Variants in KIF13A observed in about 807,000 individuals in gnomAD.
KIF13A encodes the protein kinesin family member 13A.
In KIF13A, 79 loss-of-function variants were observed where a neutral mutation model predicts 212.2. That is an observed-to-expected ratio of 0.37 (90% CI 0.31 to 0.45). The LOEUF (loss-of-function observed/expected upper bound fraction) is 0.45, where lower values mean the gene tolerates loss of function less well. Among genes scored for constraint, KIF13A ranks in the 20% least tolerant of loss-of-function variants. The pLI, the probability that KIF13A is intolerant of heterozygous loss-of-function variation, is 1.00. For synonymous variants in KIF13A, 789 were observed against 808.6 expected, an observed-to-expected ratio of 0.98 and a Z score of 0.41; for missense variants, 1,901 against 2,209.0, an observed-to-expected ratio of 0.86 and a Z score of 2.79.
intron 2 of KIF13A, among the ~76,000 whole-genome samples, chr6:17,925,949 A>C (rs1376031264): frequency 1.3e-5 from 2 of 152,224 alleles, no homozygotes; most frequent in African/African-American, 4.8e-5. Flanking sequence ...ACAATTACTA[A>C]ATATGTCAGT....
At chr6:17,760,547 T>G, downstream of KIF13A, 3 of 448,600 alleles carry the variant, frequency 6.7e-6, no homozygotes, top group South Asian at 3.4e-5. Flanking sequence ...TCTGTAGAGG[T>G]TTCTATACAG....
rs1390595958 is a variant in KIF13A, at chr6:17,794,174, A to G, written c.3222+75T>C. 1 of 1,178,416 alleles carries G rather than the reference A, an allele frequency of 8.5e-7. No individual in the cohort carries two copies. Among genetic ancestry groups the G allele is most frequent in the Non-Finnish European group, 1.2e-6 (1 of 823,184 alleles). The allele number at this position is 1,178,416 out of a possible 1,614,324, so 73.0% of individuals were successfully genotyped here. On this transcript the variant is annotated intron_variant, in intron 25 of 38. Coordinates refer to ENST00000259711, the MANE Select transcript of KIF13A (RefSeq NM_022113.6). The surrounding 1 kb of genome is among the most constrained non-coding windows in gnomAD (Gnocchi z 4.1). ...CGGTTAAGGCAAAGAGTTCTGTTAT[A>G]TTGGCAAAGAGGTCCCCCTGGGACC...
intron 12 of KIF13A, among the ~76,000 whole-genome samples, chr6:17,831,730 A>G (rs1451543011): frequency 6.7e-6 from 1 of 148,822 alleles, no homozygotes; most frequent in Non-Finnish European, 1.5e-5. Context: ...AGATGATTTC[A>G]GGGGCCAAGA....
intron 17 of KIF13A, chr6:17,815,565 T>G (rs1257060947): frequency 9.5e-6 from 4 of 419,558 alleles, no homozygotes; most frequent in South Asian, 5.2e-5. Context: ...GGGCTTACAC[T>G]TGTCTTCTGG....
chr6:17,773,662 G>GTTT lies in KIF13A; in HGVS notation c.4219-82_4219-80dup. On this transcript the variant is annotated intron_variant, in intron 35 of 38. Transcript: ENST00000259711. This position sits in a 1 kb window ranked among gnomAD's most constrained non-coding sequence, Gnocchi z 4.2. Reference sequence around the variant, plus strand: ...TAAAGCCCAGGTTGGAGTTTCTTCTGTTTTTTTTTAATGGCAGCATATGCT... The same window carrying GTTT: ...TAAAGCCCAGGTTGGAGTTTCTTCTGTTTTTTTTTTTTAATGGCAGCATATGCT... The GTTT allele has an allele frequency of 3.1e-6, 2 of 639,836 alleles. No individual in the cohort carries two copies. Among genetic ancestry groups the GTTT allele is most frequent in the South Asian group, 2.4e-5 (1 of 41,330 alleles). 39.6% of individuals were successfully genotyped at this position (639,836 alleles called of 1,614,324 possible). A position where few individuals can be genotyped will look rare whatever the true frequency, so the allele number is the denominator to read the frequency against.
intron 16 of KIF13A, chr6:17,821,667 C>CCCAATCTTGTT: frequency 8.6e-7 from 1 of 1,163,012 alleles, no homozygotes; most frequent in Non-Finnish European, 1.2e-6. Context: ...CAGAAAACTC[C>CCCAATCTTGTT]AGCTTCTTCC....
Position 17,883,955 on chromosome 6 carries a change from A to G in KIF13A, c.160-10518T>C, listed in dbSNP as rs1561718295. Among the ~76,000 whole-genome samples the G allele has an allele frequency of 6.6e-6, 1 of 152,186 alleles. No homozygotes were observed. The highest frequency in any genetic ancestry group is 1.5e-5 in the Non-Finnish European group (1 of 68,040). The stretch of plus-strand genomic sequence containing the variant: ...AAAGGAAATAATAATATTAACAAAA[A>G]AAGAGAAGGAAATCATAATAATAAC... On this transcript the variant is annotated intron_variant, in intron 3 of 38. Coordinates refer to ENST00000259711, the MANE Select transcript of KIF13A (RefSeq NM_022113.6). This position sits in a 1 kb window ranked among gnomAD's most constrained non-coding sequence, Gnocchi z 4.8.
rs1015431645 is a variant in KIF13A at position 17,811,779 on chromosome 6, C to T, written c.2001-2849G>A. On this transcript the variant is annotated intron_variant, in intron 17 of 38. Transcript: ENST00000259711. The surrounding 1 kb of genome is among the most constrained non-coding windows in gnomAD (Gnocchi z 6.0). ...TATTCTTGTCTTTGAATGACATTCCCAAAATATCTCATCTTTTTTTTTCTT... is the reference window on the plus strand; with the variant it reads ...TATTCTTGTCTTTGAATGACATTCCTAAAATATCTCATCTTTTTTTTTCTT... 6.6e-6 allele frequency among the ~76,000 whole-genome samples: 1 copy of T among 152,148 alleles called. No individual in the cohort carries two copies. Among genetic ancestry groups the T allele is most frequent in the African/African-American group, 2.4e-5 (1 of 41,440 alleles).
intron 2 of KIF13A, among the ~76,000 whole-genome samples, chr6:17,920,047 C>T (rs891896820): frequency 6.6e-6 from 1 of 152,150 alleles, no homozygotes; most frequent in African/African-American, 2.4e-5. Flanking sequence ...TAGGATTAAG[C>T]TTGCTTGGTT....
rs1561795681 is a variant in KIF13A at position 17,951,121 on chromosome 6, T to C, written c.146+35933A>G. The C allele has an allele frequency of 8.4e-7, 1 of 1,184,514 alleles. No individual in the cohort carries two copies. The highest frequency in any genetic ancestry group is 4.4e-5 in the Admixed American group (1 of 22,492). 73.4% of individuals were successfully genotyped at this position (1,184,514 alleles called of 1,614,324 possible). Reference sequence around the variant, plus strand: ...TTTGCCAACCATCCATTTATTCATATGTGGGGTCTGATGCAATTCACCTCA... The same window carrying C: ...TTTGCCAACCATCCATTTATTCATACGTGGGGTCTGATGCAATTCACCTCA... On this transcript the variant is annotated intron_variant, in intron 2 of 38. Coordinates refer to ENST00000259711, the MANE Select transcript of KIF13A (RefSeq NM_022113.6). This position sits in a 1 kb window ranked among gnomAD's most constrained non-coding sequence, Gnocchi z 4.9.
Position 17,950,771 on chromosome 6 carries a change from C to A in KIF13A, c.146+36283G>T, listed in dbSNP as rs1449032678. On this transcript the variant is annotated intron_variant, in intron 2 of 38. Transcript: ENST00000259711. ...TTAGAAATAACCCTTATCCACCCAACTAGAAAAATCTCTAATTACTAAAGG... is the reference window on the plus strand; with the variant it reads ...TTAGAAATAACCCTTATCCACCCAAATAGAAAAATCTCTAATTACTAAAGG... 6 of 979,190 alleles carry A rather than the reference C, an allele frequency of 6.1e-6. No individual in the cohort carries two copies. The East Asian group carries it at 5.7e-4, about 93-fold the overall frequency. 60.7% of individuals were successfully genotyped at this position (979,190 alleles called of 1,614,324 possible).
Position 17,987,268 on chromosome 6 carries a change from G to C in KIF13A, c.56-124C>G. 1.2e-6 allele frequency: 1 copy of C among 857,158 alleles called. No individual in the cohort carries two copies. Among genetic ancestry groups the C allele is most frequent in the Non-Finnish European group, 1.5e-6 (1 of 653,130 alleles). 53.1% of individuals were successfully genotyped at this position (857,158 alleles called of 1,614,324 possible). A position where few individuals can be genotyped will look rare whatever the true frequency, so the allele number is the denominator to read the frequency against. ...GGCCGAGCCTGGAGACGGCGCCCCGGGCACCACGGCCAGCGCGGACGCCGC... is the reference window on the plus strand; with the variant it reads ...GGCCGAGCCTGGAGACGGCGCCCCGCGCACCACGGCCAGCGCGGACGCCGC... On this transcript the variant is annotated intron_variant, in intron 1 of 38. Coordinates refer to ENST00000259711, the MANE Select transcript of KIF13A (RefSeq NM_022113.6). This position sits in a 1 kb window ranked among gnomAD's most constrained non-coding sequence, Gnocchi z 7.7.
chr6:17,916,912 T>G (rs1005755625), intron 2 of KIF13A, among the ~76,000 whole-genome samples: 4 of 151,620 alleles, frequency 2.6e-5, no homozygotes, highest in African/African-American at 7.3e-5. Flanking sequence ...CCAAAAGGCA[T>G]GAAGAAGGGA....
chr6:17,985,499 G>A (rs1044518119), intron 2 of KIF13A, among the ~76,000 whole-genome samples: 1 of 152,094 alleles, frequency 6.6e-6, no homozygotes, highest in Non-Finnish European at 1.5e-5. Flanking sequence ...GTGACAAGGA[G>A]CAGGTGCCAA....
intron 16 of KIF13A, among the ~76,000 whole-genome samples, chr6:17,824,377 C>T (rs1379465006): frequency 6.6e-6 from 1 of 152,180 alleles, no homozygotes; most frequent in East Asian, 1.9e-4. Flanking sequence ...GCACATATGC[C>T]ACAATTCTCT....
At chr6:17,952,303 CAAAAAA>C (rs35418848) in intron 2 of KIF13A, among the ~76,000 whole-genome samples, 2 of 102,322 alleles carry the variant, frequency 2.0e-5, no homozygotes. Context: ...GACTCCGTCT[CAAAAAA>C]AAAAAAAAAA....
intron 2 of KIF13A, among the ~76,000 whole-genome samples, chr6:17,977,583 G>A (rs1261186516): frequency 6.6e-6 from 1 of 152,122 alleles, no homozygotes; most frequent in African/African-American, 2.4e-5. Flanking sequence ...GTAGCATAAC[G>A]AAATGTAAGT....
At chr6:17,938,069 T>C (rs904111271) in intron 2 of KIF13A, among the ~76,000 whole-genome samples, 1 of 7,156 alleles carries the variant, frequency 1.4e-4, no homozygotes, top group African/African-American at 1.8e-3. Flanking sequence ...ATTTTAAAAT[T>C]TTTTTTGTAG....
rs1338163621 is a variant in KIF13A, at chr6:17,947,984, TAA to T, written c.146+39068_146+39069del. Reference sequence around the variant, plus strand: ...AAATGCAGCAAAGCTTTAAAATGTGTAAGTCTGCTATTCTTGCAACTTATTTT... The same window carrying T: ...AAATGCAGCAAAGCTTTAAAATGTGTGTCTGCTATTCTTGCAACTTATTTT... On this transcript the variant is annotated intron_variant, in intron 2 of 38. Transcript: ENST00000259711. The surrounding 1 kb of genome is among the most constrained non-coding windows in gnomAD (Gnocchi z 4.6). Among the ~76,000 whole-genome samples, 1 of 152,260 alleles carries T rather than the reference TAA, an allele frequency of 6.6e-6. No individual in the cohort carries two copies. The highest frequency in any genetic ancestry group is 1.9e-4 in the East Asian group (1 of 5,204).
Sources: gnomAD v4.1 joint callset for allele counts (sites outside exome capture counted in the v4.1 genomes callset) on GRCh38, gnomAD v4.1.1 for gene constraint, Gnocchi (gnomAD v3.1) non-coding constraint, MANE v1.5 for transcripts, NCBI Gene and HGNC (gene_info 2026-07-23, HGNC 2026-07-21) for gene names.